Variants in ADCY6 observed in about 807,000 individuals in gnomAD.
The protein encoded by ADCY6 is adenylate cyclase 6.
ADCY6 carries 59 observed loss-of-function variants against 111.6 expected under a neutral mutation model. The observed-to-expected ratio is 0.53, with a 90% CI of 0.43 to 0.66. ADCY6 has a LOEUF of 0.66. ADCY6 is among the 30% of genes least tolerant of loss of function. The probability of loss-of-function intolerance (pLI) is 0.00; values close to 1 mark genes in which losing one functional copy is unlikely to be tolerated. For missense variants in ADCY6, 1,242 were observed against 1,595.6 expected (o/e 0.78, Z 3.78); for synonymous variants, 576 against 642.9 (o/e 0.90, Z 1.57).
At chr12:48,780,432 C>A (rs567506181) in intron 2 of ADCY6, among the ~76,000 whole-genome samples, 24 of 152,314 alleles carry the variant, frequency 1.6e-4, no homozygotes, top group African/African-American at 4.6e-4. Context: ...CAAATGGGCA[C>A]AGGGAATGTT....
intron 2 of ADCY6, among the ~76,000 whole-genome samples, chr12:48,780,732 A>T (rs911066689): frequency 6.6e-6 from 1 of 152,264 alleles, no homozygotes; most frequent in African/African-American, 2.4e-5. Context: ...ACCACCTCTA[A>T]GCTCCTTCCC....
intron 3 of ADCY6, 43 bp downstream of exon 3, chr12:48,778,065 G>A (rs767626678): frequency 1.3e-6 from 2 of 1,574,446 alleles, no homozygotes; most frequent in Admixed American, 1.9e-5. Context: ...AGTTATTTGG[G>A]GGTAAGGTGG....
At position 48,782,729 on chromosome 12, in the gene ADCY6, A is replaced by G. The variant is rs756705285; in HGVS notation, c.706T>C (p.Ser236Pro). 112 of 1,599,816 alleles carry G rather than the reference A, an allele frequency of 7.0e-5. 1 individual carries two copies. The South Asian group carries it at 1.1e-3, about 16-fold the overall frequency. The stretch of plus-strand genomic sequence containing the variant: ...AACACAGGGCACCAGAGGCCCGCAG[A>G]GGGGCTGCGCGGGTCTGCTGCGAGA... Reference protein sequence around the residue: ...GALAADPRSPSAGLWCPVFFV... With the variant: ...GALAADPRSPPAGLWCPVFFV... Residue 236 changes from serine (S) to proline (P), a missense_variant, in exon 2 of 22, where the codon TCT becomes CCT. Physicochemically the swap from Ser to Pro is moderately conservative, Grantham distance 74. Around this residue, in one of 4 missense-constraint regions of ADCY6, gnomAD observed 362 missense variants for 377.2 expected, o/e 0.96. Coordinates refer to ENST00000357869, the MANE Select transcript of ADCY6 (RefSeq NM_015270.5). This position sits in a 1 kb window ranked among gnomAD's most constrained non-coding sequence, Gnocchi z 4.3.
In ADCY6 at chr12:48,773,976, C is replaced by G; in HGVS notation, c.2406G>C (p.Leu802=). Residue 802 remains leucine, a synonymous_variant, in exon 15 of 22, where the codon CTG becomes CTC. Transcript: ENST00000357869. ...LNYSLGLDAP[L]CEGTMPTCSF... ...TGCAGGTGGGCATGGTGCCCTCACA[C>G]AGGGGAGCATCCAGGCCCAGAGAGT... 3.1e-6 allele frequency: 5 copies of G among 1,613,898 alleles called. No individual in the cohort carries two copies. Among genetic ancestry groups the G allele is most frequent in the Non-Finnish European group, 4.2e-6 (5 of 1,179,910 alleles).
Position 48,778,246 on chromosome 12 carries a change from AT to A in ADCY6, c.875del (p.Asn292MetfsTer63). On this transcript the variant is annotated frameshift_variant, in exon 3 of 22. Coordinates refer to ENST00000357869, the MANE Select transcript of ADCY6 (RefSeq NM_015270.5). LOFTEE classifies it high-confidence loss of function. ...CGTTGGTGCAGAGGAACAGCAGCACATTGGCACCGAGCTGCAGGAGGTGGCA... is the reference window on the plus strand; with the variant it reads ...CGTTGGTGCAGAGGAACAGCAGCACATGGCACCGAGCTGCAGGAGGTGGCA... ...DAFLWKQLGANVLLFLCTNVI... is the reference protein window; with the variant it reads ...DAFLWKQLGAXVLLFLCTNVI... 1 of 1,614,124 alleles carries A rather than the reference AT, an allele frequency of 6.2e-7. No homozygotes were observed. The highest frequency in any genetic ancestry group is 8.5e-7 in the Non-Finnish European group (1 of 1,180,020).
At position 48,782,675 on chromosome 12, in the gene ADCY6, G is replaced by A; in HGVS notation, c.760C>T (p.Pro254Ser). 3 of 1,595,934 alleles carry A rather than the reference G, an allele frequency of 1.9e-6. No homozygotes were observed. The highest frequency in any genetic ancestry group is 2.6e-6 in the Non-Finnish European group (3 of 1,170,406). The change falls in exon 2 of 22, where the codon CCC becomes TCC. Residue 254 changes from proline (P) to serine (S), a missense_variant. Around this residue, in one of 4 missense-constraint regions of ADCY6, gnomAD observed 362 missense variants for 377.2 expected, o/e 0.96. Transcript: ENST00000357869. This position sits in a 1 kb window ranked among gnomAD's most constrained non-coding sequence, Gnocchi z 4.3. Reference protein sequence around the residue: ...FFVYIAYTLLPIRMRAAVLSG... With the variant: ...FFVYIAYTLLSIRMRAAVLSG... The stretch of plus-strand genomic sequence containing the variant: ...AGGACGGCAGCCCGCATGCGGATGG[G>A]GAGGAGCGTGTAGGCGATGTAGACA...
chr12:48,771,901 TG>T lies in ADCY6; in HGVS notation c.2859del (p.Lys954ArgfsTer90), dbSNP rs1296768282. On this transcript the variant is annotated frameshift_variant, in exon 19 of 22. Transcript: ENST00000357869. LOFTEE classifies it high-confidence loss of function. This position sits in a 1 kb window ranked among gnomAD's most constrained non-coding sequence, Gnocchi z 4.3. ...YNRRLLHNILPKDVAAHFLAR... is the reference protein window; with the variant it reads ...YNRRLLHNILXKDVAAHFLAR... Reference sequence around the variant, plus strand: ...GCCAGGAAGTGGGCCGCCACGTCCTTGGGCAGAATGTTATGCAGCAGCCTCC... The same window carrying T: ...GCCAGGAAGTGGGCCGCCACGTCCTTGGCAGAATGTTATGCAGCAGCCTCC... 2 of 1,614,198 alleles carry T rather than the reference TG, an allele frequency of 1.2e-6. No homozygotes were observed. The highest frequency in any genetic ancestry group is 1.7e-6 in the Non-Finnish European group (2 of 1,180,040).
At chr12:48,770,029 G>A (rs1941490761) in intron 20 of ADCY6, among the ~76,000 whole-genome samples, 1 of 151,384 alleles carries the variant, frequency 6.6e-6, no homozygotes, top group African/African-American at 2.4e-5. Context: ...CCAAAGTGCT[G>A]GGATTACAGG....
intron 1 of ADCY6, among the ~76,000 whole-genome samples, chr12:48,787,369 T>C (rs936549660): frequency 6.6e-6 from 1 of 151,428 alleles, no homozygotes. Flanking sequence ...AAGGGGCAAA[T>C]GCTATCCAGG....
At chr12:48,770,699 G>C (rs78519542) in intron 20 of ADCY6, 67 bp downstream of exon 20, 22 of 1,517,082 alleles carry the variant, frequency 1.5e-5, no homozygotes, top group Non-Finnish European at 2.0e-5. Flanking sequence ...CCCATCCCCA[G>C]CCTATAATCC....
chr12:48,785,988 C>A (rs963938196), intron 1 of ADCY6, among the ~76,000 whole-genome samples: 6 of 152,114 alleles, frequency 3.9e-5, no homozygotes, highest in Admixed American at 3.9e-4. Context: ...CCTGGCTGAG[C>A]CCAGGTCAGA....
chr12:48,777,462 T>A lies in ADCY6; in HGVS notation c.1196A>T (p.Glu399Val), dbSNP rs1160286218. The A allele has an allele frequency of 1.9e-6, 3 of 1,613,234 alleles. No homozygotes were observed. The highest frequency in any genetic ancestry group is 2.5e-6 in the Non-Finnish European group (3 of 1,180,030). The part of the protein sequence containing the change: ...TSLASQCTAQ[E>V]LVMTLNELFA... ...GAGCTCATTCAGGGTCATGACCAGC[T>A]CCTGCGCAGTGCACTGGGATGCCAG... Residue 399 changes from glutamate (E) to valine (V), a missense_variant, in exon 5 of 22, where the codon GAG (glutamate) becomes GTG (valine). Glu to Val is a moderately radical substitution (Grantham distance 121, BLOSUM62 -2). This residue lies in a region of ADCY6 where 260 missense variants were observed against 414.6 expected (regional missense o/e 0.63). Transcript: ENST00000357869. This position sits in a 1 kb window ranked among gnomAD's most constrained non-coding sequence, Gnocchi z 4.9.
intron 15 of ADCY6, 119 bp from the exon 16 acceptor site, chr12:48,773,766 T>C: frequency 6.9e-7 from 1 of 1,452,652 alleles, no homozygotes; most frequent in Middle Eastern, 1.7e-4. Flanking sequence ...CAAACCCCCA[T>C]ATCCTCCACC....
At position 48,769,048 on chromosome 12, in the gene ADCY6, G is replaced by A; in HGVS notation, c.3270C>T (p.Gly1090=). ...CCCCGATGACACCTGCCACGACTGGGCCCATGTTCAGCCCTGAGGTGGAGA... is the reference window on the plus strand; with the variant it reads ...CCCCGATGACACCTGCCACGACTGGACCCATGTTCAGCCCTGAGGTGGAGA... The part of the protein sequence containing the change: ...NFQMKIGLNM[G]PVVAGVIGAR... Residue 1090 remains glycine (G), a synonymous_variant, in exon 21 of 22, where the codon GGC becomes GGT. Coordinates refer to ENST00000357869, the MANE Select transcript of ADCY6 (RefSeq NM_015270.5). 1.2e-6 allele frequency: 2 copies of A among 1,612,724 alleles called. No homozygotes were observed. The highest frequency in any genetic ancestry group is 1.7e-6 in the Non-Finnish European group (2 of 1,179,332).
rs547083940 is a variant in ADCY6, at chr12:48,771,061, T to C, written c.3052-91A>G. The C allele has an allele frequency of 2.4e-6, 3 of 1,261,574 alleles. No homozygotes were observed. Among genetic ancestry groups the C allele is most frequent in the Non-Finnish European group, 2.2e-6 (2 of 900,550 alleles). 78.1% of individuals were successfully genotyped at this position (1,261,574 alleles called of 1,614,324 possible). ...CATTTCTTGCCACGCCTTGGCTGCC[T>C]TCCCCACTTCCCTGTCTCAAGAGCC... On this transcript the variant is annotated intron_variant, in intron 19 of 21. Transcript: ENST00000357869. The surrounding 1 kb of genome is among the most constrained non-coding windows in gnomAD (Gnocchi z 4.3).
Position 48,776,202 on chromosome 12 carries a change from C to T in ADCY6, c.1677+7G>A, listed in dbSNP as rs1435010787. On this transcript the variant is annotated splice_region_variant and intron_variant, in intron 8 of 21. Transcript: ENST00000357869. This position sits in a 1 kb window ranked among gnomAD's most constrained non-coding sequence, Gnocchi z 6.1. The stretch of plus-strand genomic sequence containing the variant: ...TCCCCTGCCCCCAGCCCTGCCCTGG[C>T]CCTGACCCGTTTCTGGCTGGCGCCC... The T allele has an allele frequency of 1.2e-6, 2 of 1,614,118 alleles. No homozygotes were observed. The highest frequency in any genetic ancestry group is 4.5e-5 in the East Asian group (2 of 44,864).
At position 48,782,784 on chromosome 12, in the gene ADCY6, G is replaced by C; in HGVS notation, c.651C>G (p.Gly217=). 1 of 1,613,484 alleles carries C rather than the reference G, an allele frequency of 6.2e-7. No homozygotes were observed. Among genetic ancestry groups the C allele is most frequent in the Non-Finnish European group, 8.5e-7 (1 of 1,179,732 alleles). ...SMWVVSYVVL[G]ILAAVQVGGA... ...CCCCGACCTGCACTGCCGCCAGGATGCCCAGCACCACGTAGCTCACCACCC... is the reference window on the plus strand; with the variant it reads ...CCCCGACCTGCACTGCCGCCAGGATCCCCAGCACCACGTAGCTCACCACCC... Residue 217 remains glycine (G), a synonymous_variant, in exon 2 of 22, where the codon GGC becomes GGG. Transcript: ENST00000357869. The surrounding 1 kb of genome is among the most constrained non-coding windows in gnomAD (Gnocchi z 4.3).
At position 48,766,697 on chromosome 12, in the gene ADCY6, G is replaced by A. The variant is rs998777115; in HGVS notation, c.*1894C>T. ...ATTACCCAGAAACCAGGCCTCCACA[G>A]GGAGCTGGTGTCAGAAGGGGCATGA... On this transcript the variant is annotated 3_prime_UTR_variant, in exon 22 of 22. Transcript: ENST00000357869. 1 of 152,632 alleles carries A rather than the reference G, an allele frequency of 6.6e-6. No individual in the cohort carries two copies. Among genetic ancestry groups the A allele is most frequent in the Non-Finnish European group, 1.5e-5 (1 of 68,070 alleles). The allele number at this position is 152,632 out of a possible 1,614,324, so 9.5% of individuals were successfully genotyped here.
intron 1 of ADCY6, among the ~76,000 whole-genome samples, chr12:48,787,927 G>A (rs909967088): frequency 6.6e-6 from 1 of 152,160 alleles, no homozygotes; most frequent in Non-Finnish European, 1.5e-5. Context: ...TCTGCCCACT[G>A]CCTTGCCAAG....
Sources: gnomAD v4.1 joint callset for allele counts (sites outside exome capture counted in the v4.1 genomes callset) on GRCh38, gnomAD v4.1.1 for gene constraint, gnomAD v4.1.1 regional missense constraint, Gnocchi (gnomAD v3.1) non-coding constraint, MANE v1.5 for transcripts, NCBI Gene and HGNC (gene_info 2026-07-23, HGNC 2026-07-21) for gene names.